Variants in HTR3B observed in about 807,000 individuals in gnomAD.
The protein encoded by HTR3B is 5-hydroxytryptamine (serotonin) receptor 3B, ionotropic.
HTR3B carries 44 observed loss-of-function variants against 42.8 expected under a neutral mutation model. The ratio of observed to expected loss-of-function variants is 1.03; its 90% CI spans 0.81 to 1.32. The LOEUF is 1.32. Among genes scored for constraint, HTR3B ranks in the 40% most tolerant of loss-of-function variants. The pLI is 0.00. For synonymous variants in HTR3B, 203 were observed against 209.0 expected (o/e 0.97, Z 0.25); for missense variants, 527 against 536.5 (o/e 0.98, Z 0.17).
At chr11:113,914,551 C>T (rs921246846) in intron 2 of HTR3B, among the ~76,000 whole-genome samples, 2 of 151,918 alleles carry the variant, frequency 1.3e-5, no homozygotes, top group African/African-American at 4.8e-5. Context: ...GACACAATCT[C>T]ACCTCACTGC....
At chr11:113,945,382 A>C (rs1950168774) in intron 8 of HTR3B, among the ~76,000 whole-genome samples, 1 of 151,872 alleles carries the variant, frequency 6.6e-6, no homozygotes, top group African/African-American at 2.4e-5. Context: ...TGATCCACCC[A>C]CCTCGGCCTC....
chr11:113,939,186 A>C (rs951740575), intron 6 of HTR3B, among the ~76,000 whole-genome samples: 1 of 152,148 alleles, frequency 6.6e-6, no homozygotes, highest in African/African-American at 2.4e-5. Context: ...TAGTTTTGCG[A>C]TTCTATAAGC....
rs1949975666 is a variant in HTR3B, at chr11:113,926,508, C to A, written c.214-4876C>A. ...CTTTCCTTTCCTTTCCTTTCCTTTC[C>A]TTTCCTTTCCTTTCCTTTCCTTTCC... On this transcript the variant is annotated intron_variant, in intron 2 of 8. Coordinates refer to ENST00000260191, the MANE Select transcript of HTR3B (RefSeq NM_006028.5). Among the ~76,000 whole-genome samples the A allele has an allele frequency of 2.1e-5, 3 of 140,186 alleles. 1 individual carries two copies. The highest frequency in any genetic ancestry group is 8.1e-5 in the African/African-American group (3 of 36,822). 92.0% of individuals were successfully genotyped at this position (140,186 alleles called of 152,430 possible).
Position 113,929,922 on chromosome 11 carries a change from C to T in HTR3B, c.214-1462C>T, listed in dbSNP as rs150631153. ...TAATTTTTGTATTTTTTAGTAGAGA[C>T]GGGGTTTTGCCGTGTTAGCCAGGAT... is the stretch of plus-strand genomic sequence containing the variant. On this transcript the variant is annotated intron_variant, in intron 2 of 8. Coordinates refer to ENST00000260191, the MANE Select transcript of HTR3B (RefSeq NM_006028.5). 3.3e-3 allele frequency among the ~76,000 whole-genome samples: 506 copies of T among 152,050 alleles called. 4 individuals carry two copies. The highest frequency in any genetic ancestry group is 0.012 in the African/African-American group (481 of 41,486).
In HTR3B at chr11:113,946,142, T is replaced by C. The variant is rs764701630; in HGVS notation, c.*5T>C. The stretch of plus-strand genomic sequence containing the variant: ...GCACTGTGGGGCGGCGTGTGAAGAC[T>C]GAAGTGTTCTTCAGTAATTGTGCTG... On this transcript the variant is annotated 3_prime_UTR_variant, in exon 9 of 9. Transcript: ENST00000260191. 1.3e-6 allele frequency: 2 copies of C among 1,596,230 alleles called. No individual in the cohort carries two copies. Among genetic ancestry groups the C allele is most frequent in the East Asian group, 4.5e-5 (2 of 44,782 alleles).
At chr11:113,935,781 C>T (rs546455074) in intron 6 of HTR3B, among the ~76,000 whole-genome samples, 13 of 152,248 alleles carry the variant, frequency 8.5e-5, no homozygotes, top group Admixed American at 2.6e-4. Flanking sequence ...ATCTACTCGC[C>T]GGCTGTGTCT....
intron 2 of HTR3B, among the ~76,000 whole-genome samples, chr11:113,925,190 A>T (rs1159734419): frequency 6.6e-6 from 1 of 152,146 alleles, no homozygotes; most frequent in Non-Finnish European, 1.5e-5. Context: ...GACCCTGTGC[A>T]CAAAGAATAT....
At chr11:113,899,255 C>A in the HTR3B span, among the ~76,000 whole-genome samples, 12 of 152,134 alleles carry the variant, frequency 7.9e-5, no homozygotes, top group African/African-American at 2.9e-4. Flanking sequence ...AAATGAAATT[C>A]TAAGCTAGAG....
At chr11:113,905,141 T>C (rs1249753107) in intron 1 of HTR3B, among the ~76,000 whole-genome samples, 156 bp downstream of exon 1, 1 of 152,198 alleles carries the variant, frequency 6.6e-6, no homozygotes, top group East Asian at 1.9e-4. Context: ...TGGAAAACAA[T>C]GATTTGTTTG....
intron 2 of HTR3B, among the ~76,000 whole-genome samples, chr11:113,912,587 C>T (rs1033119500): frequency 2.0e-4 from 31 of 152,166 alleles, no homozygotes; most frequent in Admixed American, 7.2e-4. Context: ...GTGACTGGGT[C>T]ACAGGAGGGT....
At chr11:113,902,696 A>G (rs563511743), upstream of HTR3B, among the ~76,000 whole-genome samples, 69 of 152,338 alleles carry the variant, frequency 4.5e-4, no homozygotes, top group Admixed American at 1.4e-3. Context: ...ACATTACTAC[A>G]TTGCCACATT....
intron 2 of HTR3B, among the ~76,000 whole-genome samples, chr11:113,918,034 T>C (rs1949874288): frequency 6.6e-6 from 1 of 152,198 alleles, no homozygotes; most frequent in Non-Finnish European, 1.5e-5. Context: ...ATCCTTTTAT[T>C]TCCAACCTAT....
intron 6 of HTR3B, among the ~76,000 whole-genome samples, chr11:113,935,013 C>T (rs552969892): frequency 2.0e-5 from 3 of 152,006 alleles, no homozygotes; most frequent in South Asian, 2.1e-4. Context: ...TAAACAAGGG[C>T]GTGTGCTTGC....
chr11:113,908,501 G>A (rs1366060008), intron 1 of HTR3B, among the ~76,000 whole-genome samples: 5 of 152,218 alleles, frequency 3.3e-5, no homozygotes, highest in Admixed American at 6.5e-5. Context: ...GGCTGGCAAA[G>A]CTTGTGAACA....
At chr11:113,903,883 C>T (rs558243919), upstream of HTR3B, among the ~76,000 whole-genome samples, 1 of 152,262 alleles carries the variant, frequency 6.6e-6, no homozygotes, top group African/African-American at 2.4e-5. Flanking sequence ...AATTAGGCTA[C>T]ATTTTATTGG....
rs75863678 is a variant in HTR3B, at chr11:113,908,792, C to T, written c.53-503C>T. Among the ~76,000 whole-genome samples the T allele has an allele frequency of 3.9e-3, 601 of 152,256 alleles. 7 individuals are homozygous for T. Among genetic ancestry groups the T allele is most frequent in the African/African-American group, 0.014 (578 of 41,548 alleles). ...AGGAGAAAAGTACAAATTGGGCTCT[C>T]GTTAATCCCTTTATCTAGAAATCTA... On this transcript the variant is annotated intron_variant, in intron 1 of 8. Transcript: ENST00000260191.
chr11:113,934,759 CTT>C (rs58163738), intron 6 of HTR3B, among the ~76,000 whole-genome samples: 1 of 146,662 alleles, frequency 6.8e-6, no homozygotes, highest in Non-Finnish European at 1.5e-5. Context: ...AGCAAGCAAG[CTT>C]TTTTTTTTTT....
chr11:113,925,324 G>A (rs983012586), intron 2 of HTR3B, among the ~76,000 whole-genome samples: 22 of 151,666 alleles, frequency 1.5e-4, no homozygotes, highest in African/African-American at 5.3e-4. Context: ...ACTGAAATTT[G>A]GTATTGTACT....
chr11:113,941,649 ACCAGTAG>A (rs1950135897), intron 6 of HTR3B, among the ~76,000 whole-genome samples: 3 of 151,942 alleles, frequency 2.0e-5, no homozygotes, highest in Non-Finnish European at 4.4e-5. Context: ...GTCATGCTTG[ACCAGTAG>A]GGAGAGGAAG....
Sources: allele counts gnomAD v4.1 joint callset (sites outside exome capture counted in the v4.1 genomes callset), GRCh38; gene constraint gnomAD v4.1.1; transcripts MANE v1.5; gene names NCBI Gene and HGNC (gene_info 2026-07-23, HGNC 2026-07-21).